TAF8: variants seen among roughly 807,000 people sequenced by gnomAD.
TAF8 encodes the protein transcription initiation factor TFIID subunit 8.
TAF8 carries 47 observed loss-of-function variants against 36.5 expected under a neutral mutation model. That is an observed-to-expected ratio of 1.29 (90% CI 1.02 to 1.64). The LOEUF (loss-of-function observed/expected upper bound fraction) is 1.64. Among genes scored for constraint, TAF8 ranks in the 40% most tolerant of loss-of-function variants. The pLI, the probability that TAF8 is intolerant of heterozygous loss-of-function variation, is 0.00. For synonymous variants in TAF8, 175 were observed against 159.5 expected (o/e 1.10, Z -0.73); for missense variants, 420 against 407.6 (o/e 1.03, Z -0.26).
chr6:42,060,163 G>T (rs1765142104), intron 5 of TAF8, among the ~76,000 whole-genome samples: 1 of 152,156 alleles, frequency 6.6e-6, no homozygotes, highest in Non-Finnish European at 1.5e-5. Context: ...TAAAAGCAAA[G>T]ATTTGGAAGC....
chr6:42,073,780 A>G (rs1765663384), intron 7 of TAF8, among the ~76,000 whole-genome samples: 1 of 152,028 alleles, frequency 6.6e-6, no homozygotes, highest in African/African-American at 2.4e-5. Context: ...CAGAGGAGGG[A>G]TGTTTCTGAG....
chr6:42,063,162 CTG>C (rs1256435932), intron 5 of TAF8: 3 of 152,190 alleles, frequency 2.0e-5, no homozygotes, highest in Non-Finnish European at 4.4e-5. Flanking sequence ...ATATCCCTAT[CTG>C]TAACATTTTT....
At chr6:42,084,523 T>C (rs1280304317), downstream of TAF8, among the ~76,000 whole-genome samples, 5 of 152,242 alleles carry the variant, frequency 3.3e-5, no homozygotes, top group East Asian at 5.8e-4. Context: ...AGGGCAGTGG[T>C]GCGATCTCGG....
In TAF8 at chr6:42,055,591, C is replaced by T; in HGVS notation, c.263C>T (p.Pro88Leu). 1 of 1,614,140 alleles carries T rather than the reference C, an allele frequency of 6.2e-7. No homozygotes were observed. Among genetic ancestry groups the T allele is most frequent in the Non-Finnish European group, 8.5e-7 (1 of 1,180,000 alleles). ...SYCEHTARTQ[P>L]TLSDIVVTLV... ...TGTGAGCACACAGCCAGGACCCAGC[C>T]CACACTGTCCGATATCGTGGTCACA... Residue 88 changes from proline to leucine, a missense_variant, in exon 3 of 9, where the codon CCC (proline) becomes CTC (leucine). Physicochemically the swap from Pro to Leu is moderately conservative, Grantham distance 98 (BLOSUM62 -3). Transcript: ENST00000372977.
At chr6:42,051,591 A>C (rs1764791358) in intron 2 of TAF8, 78 bp downstream of exon 2, 2 of 1,487,384 alleles carry the variant, frequency 1.3e-6, no homozygotes, top group Admixed American at 2.3e-5. Context: ...AGTGTTTGAG[A>C]GGATTTAAGA....
At chr6:42,075,174 G>T (rs905914381) in intron 7 of TAF8, among the ~76,000 whole-genome samples, 2 of 152,202 alleles carry the variant, frequency 1.3e-5, no homozygotes, top group African/African-American at 4.8e-5. Context: ...CTACTCATTT[G>T]TACCATTAGG....
chr6:42,076,999 T>C, intron 7 of TAF8, 101 bp from the exon 8 acceptor site: 1 of 1,418,998 alleles, frequency 7.0e-7, no homozygotes, highest in Admixed American at 2.3e-5. Context: ...TCCCAGGTTC[T>C]AATTTCTCAA....
rs975050049 is a variant in TAF8 at position 42,081,722 on chromosome 6, G to C, written c.*4177G>C. ...GGGTTTCACCATGTTGGCCAGACTG[G>C]TCTCCAACTCCTGACCTCAGGTGAT... On this transcript the variant is annotated 3_prime_UTR_variant, in exon 9 of 9. Coordinates refer to ENST00000372977, the MANE Select transcript of TAF8 (RefSeq NM_138572.3). The C allele has an allele frequency of 6.6e-6, 1 of 152,052 alleles. No individual in the cohort carries two copies. Among genetic ancestry groups the C allele is most frequent in the African/African-American group, 2.4e-5 (1 of 41,366 alleles). 9.4% of individuals were successfully genotyped at this position (152,052 alleles called of 1,614,324 possible). A position where few individuals can be genotyped will look rare whatever the true frequency, so the allele number is the denominator to read the frequency against.
At chr6:42,064,225 C>A (rs1345151329) in intron 5 of TAF8, among the ~76,000 whole-genome samples, 2 of 151,794 alleles carry the variant, frequency 1.3e-5, no homozygotes, top group African/African-American at 4.8e-5. Context: ...TGTTCAAAAT[C>A]CACTCATTTT....
At chr6:42,055,858 T>G in intron 3 of TAF8, 94 bp from the exon 4 acceptor site, 1 of 923,070 alleles carries the variant, frequency 1.1e-6, no homozygotes, top group South Asian at 1.4e-5. Flanking sequence ...GTCATTGAGT[T>G]GAGAGTTTAA....
rs1376582656 is a variant in TAF8 at position 42,055,548 on chromosome 6, A to G, written c.220A>G (p.Arg74Gly). The G allele has an allele frequency of 6.2e-7, 1 of 1,613,874 alleles. No homozygotes were observed. Among genetic ancestry groups the G allele is most frequent in the African/African-American group, 1.3e-5 (1 of 74,918 alleles). ...MLQSYISEIG[R>G]SAKSYCEHTA... Reference sequence around the variant, plus strand: ...CCTCTTAGACATTTCAGAAATTGGGAGAAGTGCCAAGTCTTACTGTGAGCA... The same window carrying G: ...CCTCTTAGACATTTCAGAAATTGGGGGAAGTGCCAAGTCTTACTGTGAGCA... Residue 74 changes from arginine (R) to glycine (G), a missense_variant, in exon 3 of 9, where the codon AGA (arginine) becomes GGA (glycine). Transcript: ENST00000372977.
At chr6:42,050,705 G>A (rs1764738503) in intron 1 of TAF8, 119 bp downstream of exon 1, 4 of 1,290,656 alleles carry the variant, frequency 3.1e-6, no homozygotes, top group African/African-American at 1.5e-5. Flanking sequence ...TCCGACTGGC[G>A]GAGGGTGTTT....
chr6:42,086,563 C>G (rs1255660582), downstream of TAF8, among the ~76,000 whole-genome samples: 1 of 152,140 alleles, frequency 6.6e-6, no homozygotes, highest in Non-Finnish European at 1.5e-5. Context: ...TCTGAGTTCT[C>G]CTGGGGAGAA....
Position 42,079,420 on chromosome 6 carries a change from T to C in TAF8, c.*1875T>C. The stretch of plus-strand genomic sequence containing the variant: ...CATGCTGATAGCTTTTCTGGTCTCC[T>C]AAGGAAGAGTTTTTAAAACTAAATC... On this transcript the variant is annotated 3_prime_UTR_variant, in exon 9 of 9. Coordinates refer to ENST00000372977, the MANE Select transcript of TAF8 (RefSeq NM_138572.3). 1.0e-6 allele frequency: 1 copy of C among 985,404 alleles called. No individual in the cohort carries two copies. The highest frequency in any genetic ancestry group is 1.2e-6 in the Non-Finnish European group (1 of 829,918). The allele number at this position is 985,404 out of a possible 1,614,324, so 61.0% of individuals were successfully genotyped here. A position where few individuals can be genotyped will look rare whatever the true frequency, so the allele number is the denominator to read the frequency against.
At position 42,056,013 on chromosome 6, in the gene TAF8, T is replaced by C; in HGVS notation, c.363T>C (p.Ala121=). 6.2e-7 allele frequency: 1 copy of C among 1,605,806 alleles called. No individual in the cohort carries two copies. Among genetic ancestry groups the C allele is most frequent in the Non-Finnish European group, 8.5e-7 (1 of 1,172,384 alleles). Residue 121 remains alanine (A), a splice_region_variant and synonymous_variant, in exon 4 of 9, where the codon GCT becomes GCC. Coordinates refer to ENST00000372977, the MANE Select transcript of TAF8 (RefSeq NM_138572.3). The part of the protein sequence containing the change: ...AKRSQRMVIT[A]PPVTNQPVTP... ...GGTCTCAGAGGATGGTCATCACTGC[T>C]CGTAAGTGACTTTGAACTGAGGTAC...
chr6:42,074,397 G>T (rs1765679898), intron 7 of TAF8, among the ~76,000 whole-genome samples: 1 of 152,186 alleles, frequency 6.6e-6, no homozygotes, highest in African/African-American at 2.4e-5. Context: ...CGTAGAGATG[G>T]CACTGAGAGC....
In TAF8 at chr6:42,078,180, G is replaced by T; in HGVS notation, c.*635G>T. 1.0e-6 allele frequency: 1 copy of T among 985,404 alleles called. No homozygotes were observed. The highest frequency in any genetic ancestry group is 1.2e-6 in the Non-Finnish European group (1 of 830,132). The allele number at this position is 985,404 out of a possible 1,614,324, so 61.0% of individuals were successfully genotyped here. ...GCTGAGATTACAGGCGTGAGCCACC[G>T]CACCCCACCAGAGACTTTCTTAATC... On this transcript the variant is annotated 3_prime_UTR_variant, in exon 9 of 9. Coordinates refer to ENST00000372977, the MANE Select transcript of TAF8 (RefSeq NM_138572.3).
At position 42,055,947 on chromosome 6, in the gene TAF8, C is replaced by G. The variant is rs1286685923; in HGVS notation, c.302-5C>G. On this transcript the variant is annotated splice_polypyrimidine_tract_variant and splice_region_variant and intron_variant, in intron 3 of 8. Transcript: ENST00000372977. ...GGCAGTGATTTTTGTTTTCCTGTCTCTTAGGTTTCAATGTGGACACTCTCC... is the reference window on the plus strand; with the variant it reads ...GGCAGTGATTTTTGTTTTCCTGTCTGTTAGGTTTCAATGTGGACACTCTCC... 6.2e-7 allele frequency: 1 copy of G among 1,608,366 alleles called. No homozygotes were observed. Among genetic ancestry groups the G allele is most frequent in the East Asian group, 2.2e-5 (1 of 44,856 alleles).
chr6:42,053,805 T>G (rs926053160), intron 2 of TAF8, among the ~76,000 whole-genome samples: 2 of 152,184 alleles, frequency 1.3e-5, no homozygotes, highest in Non-Finnish European at 1.5e-5. Context: ...GCTACTACTT[T>G]TTGAACTTTG....
Sources: allele counts gnomAD v4.1 joint callset (sites outside exome capture counted in the v4.1 genomes callset), GRCh38; gene constraint gnomAD v4.1.1; transcripts MANE v1.5; gene names NCBI Gene and HGNC (gene_info 2026-07-23, HGNC 2026-07-21).